Variants in ADGRB3 observed in about 807,000 individuals in gnomAD.
ADGRB3 encodes the protein brain-specific angiogenesis inhibitor 3.
A neutral mutation model predicts 193.4 loss-of-function variants in ADGRB3; 37 were observed. The observed-to-expected ratio is 0.19, with a 90% CI of 0.15 to 0.25. ADGRB3 has a LOEUF of 0.25. ADGRB3 is among the 10% of genes least tolerant of loss of function. The probability of loss-of-function intolerance (pLI) is 1.00; values close to 1 mark genes in which losing one functional copy is unlikely to be tolerated. For missense variants in ADGRB3, 1,637 were observed against 1,852.9 expected, an observed-to-expected ratio of 0.88 and a Z score of 2.14; for synonymous variants, 690 against 644.2, an observed-to-expected ratio of 1.07 and a Z score of -1.08.
At chr6:69,229,538 T>G (rs1264805109) in intron 17 of ADGRB3, among the ~76,000 whole-genome samples, 1 of 152,206 alleles carries the variant, frequency 6.6e-6, no homozygotes, top group Non-Finnish European at 1.5e-5. Flanking sequence ...TATAACTTAT[T>G]CATAATAAAT....
chr6:69,199,862 T>C (rs1765383229), intron 17 of ADGRB3, among the ~76,000 whole-genome samples: 1 of 152,110 alleles, frequency 6.6e-6, no homozygotes, highest in South Asian at 2.1e-4. Context: ...GCAAGGTTTT[T>C]CTAGAATTAA....
chr6:69,044,352 C>T (rs1771179692), intron 13 of ADGRB3, among the ~76,000 whole-genome samples: 1 of 152,214 alleles, frequency 6.6e-6, no homozygotes, highest in Non-Finnish European at 1.5e-5. Flanking sequence ...GAACCACTCA[C>T]AACCAGGATG....
At chr6:68,953,427 T>A (rs2150255469) in intron 6 of ADGRB3, among the ~76,000 whole-genome samples, 1 of 152,260 alleles carries the variant, frequency 6.6e-6, no homozygotes. Context: ...AGGGCATGAA[T>A]CTCTTTTTAT....
intron 17 of ADGRB3, among the ~76,000 whole-genome samples, chr6:69,198,349 C>T (rs1357327690): frequency 6.6e-6 from 1 of 151,856 alleles, no homozygotes; most frequent in Non-Finnish European, 1.5e-5. Context: ...TGATAAAGCC[C>T]CCACTCTCAC....
In ADGRB3 at chr6:69,307,916, A is replaced by G. The variant is rs529925891; in HGVS notation, c.2815-16956A>G. Among the ~76,000 whole-genome samples the G allele has an allele frequency of 2.6e-5, 4 of 151,510 alleles. 1 individual carries two copies. The highest frequency in any genetic ancestry group is 9.7e-5 in the African/African-American group (4 of 41,120). On this transcript the variant is annotated intron_variant, in intron 20 of 31. Coordinates refer to ENST00000370598, the MANE Select transcript of ADGRB3 (RefSeq NM_001704.3). Reference sequence around the variant, plus strand: ...GTGGTTCGATTCAAGTTATGTATTAAATGTAAAACTCAAGAGTAAATTCTG... The same window carrying G: ...GTGGTTCGATTCAAGTTATGTATTAGATGTAAAACTCAAGAGTAAATTCTG...
At chr6:69,238,216 G>A (rs1478740412) in intron 19 of ADGRB3, among the ~76,000 whole-genome samples, 2 of 152,040 alleles carry the variant, frequency 1.3e-5, no homozygotes, top group African/African-American at 4.8e-5. Flanking sequence ...TGTGGAATGT[G>A]ATTCCACGTT....
At chr6:68,938,975 T>C (rs1285455705) in intron 5 of ADGRB3, among the ~76,000 whole-genome samples, 1 of 152,194 alleles carries the variant, frequency 6.6e-6, no homozygotes, top group African/African-American at 2.4e-5. Flanking sequence ...CTGAGTGGAT[T>C]GGAAAGTGTT....
chr6:69,166,749 G>A (rs2150346439), intron 17 of ADGRB3, among the ~76,000 whole-genome samples: 1 of 152,218 alleles, frequency 6.6e-6, no homozygotes, highest in South Asian at 2.1e-4. Flanking sequence ...TACTAGGGTT[G>A]CATCATTAGG....
At chr6:68,909,976 G>A (rs1195289661) in intron 3 of ADGRB3, among the ~76,000 whole-genome samples, 3 of 152,122 alleles carry the variant, frequency 2.0e-5, no homozygotes, top group Non-Finnish European at 2.9e-5. Context: ...CTGAGGAATC[G>A]CCACGCTGTC....
At chr6:69,029,976 G>GCACACA (rs10653397) in intron 13 of ADGRB3, among the ~76,000 whole-genome samples, 38,618 of 144,986 alleles carry the variant, frequency 0.27, 5,386 homozygotes, top group African/African-American at 0.31. Context: ...TATATAGAAT[G>GCACACA]CACACACACA....
intron 26 of ADGRB3, 47 bp downstream of exon 26, chr6:69,339,551 T>C: frequency 6.4e-7 from 1 of 1,556,616 alleles, no homozygotes; most frequent in African/African-American, 1.4e-5. Context: ...TGGAATGGTA[T>C]TTCCTTGCTA....
chr6:68,695,555 A>T (rs780399740), intron 3 of ADGRB3, among the ~76,000 whole-genome samples: 2 of 152,160 alleles, frequency 1.3e-5, no homozygotes, highest in Non-Finnish European at 2.9e-5. Context: ...AAGCCTAGGA[A>T]CATGTCTTCT....
chr6:69,349,378 T>C (rs1436808367), intron 26 of ADGRB3, among the ~76,000 whole-genome samples: 3 of 152,198 alleles, frequency 2.0e-5, no homozygotes, highest in Non-Finnish European at 4.4e-5. Context: ...TATTAAGGGA[T>C]TCTAATAGAA....
chr6:69,092,960 G>A (rs940223407), intron 17 of ADGRB3, among the ~76,000 whole-genome samples: 4 of 150,498 alleles, frequency 2.7e-5, no homozygotes, highest in Non-Finnish European at 5.9e-5. Context: ...CAGGGGTAGA[G>A]CAGTAGACAG....
intron 17 of ADGRB3, among the ~76,000 whole-genome samples, chr6:69,161,771 C>G: frequency 6.6e-6 from 1 of 152,034 alleles, no homozygotes; most frequent in South Asian, 2.1e-4. Flanking sequence ...TTCAGTTACT[C>G]TCCAGTTATT....
At chr6:69,035,541 GT>G (rs1770843959) in intron 13 of ADGRB3, among the ~76,000 whole-genome samples, 2 of 152,112 alleles carry the variant, frequency 1.3e-5, no homozygotes, top group Admixed American at 1.3e-4. Flanking sequence ...AGAGGAAGAA[GT>G]TAGAGACCAG....
chr6:69,320,184 T>C (rs546791410), intron 20 of ADGRB3, among the ~76,000 whole-genome samples: 46 of 151,638 alleles, frequency 3.0e-4, no homozygotes, highest in Middle Eastern at 3.4e-3. Context: ...TAGAATACTT[T>C]TATGTTCCTC....
At chr6:69,156,427 G>A (rs894007510) in intron 17 of ADGRB3, among the ~76,000 whole-genome samples, 26 of 152,312 alleles carry the variant, frequency 1.7e-4, no homozygotes, top group Admixed American at 8.5e-4. Flanking sequence ...TTGCAGATGA[G>A]GACATAGCAA....
At chr6:69,214,452 A>C (rs965597625) in intron 17 of ADGRB3, among the ~76,000 whole-genome samples, 1 of 152,120 alleles carries the variant, frequency 6.6e-6, no homozygotes, top group African/African-American at 2.4e-5. Context: ...ACTGCAAAAC[A>C]TTTGGGGGAC....
Sources: allele counts gnomAD v4.1 joint callset (sites outside exome capture counted in the v4.1 genomes callset), GRCh38; gene constraint gnomAD v4.1.1; transcripts MANE v1.5; gene names NCBI Gene and HGNC (gene_info 2026-07-23, HGNC 2026-07-21).